MAD1L1: variants seen among roughly 807,000 people sequenced by gnomAD.
MAD1L1 encodes mitotic arrest deficient 1 like 1.
Under a neutral mutation model 96.9 loss-of-function variants are expected in MAD1L1, and 95 were observed. The ratio of observed to expected loss-of-function variants is 0.98; its 90% CI spans 0.83 to 1.16. The LOEUF is 1.16. Among genes scored for constraint, MAD1L1 ranks in the 50% most tolerant of loss-of-function variants. The pLI, the probability that MAD1L1 is intolerant of heterozygous loss-of-function variation, is 0.00. For synonymous variants in MAD1L1, 473 were observed against 396.6 expected, an observed-to-expected ratio of 1.19 and a Z score of -2.29; for missense variants, 1,007 against 954.4, an observed-to-expected ratio of 1.06 and a Z score of -0.73.
At chr7:1,978,713 C>T (rs938579694) in intron 15 of MAD1L1, among the ~76,000 whole-genome samples, 4 of 152,156 alleles carry the variant, frequency 2.6e-5, no homozygotes, top group Admixed American at 6.5e-5. Context: ...ACCACGTGCA[C>T]CTCACAGGCT....
intron 12 of MAD1L1, among the ~76,000 whole-genome samples, chr7:2,063,774 G>A (rs761730229): frequency 2.0e-4 from 30 of 152,222 alleles, no homozygotes; most frequent in Non-Finnish European, 3.5e-4. Context: ...CCAGGGTGCG[G>A]CCACCAGAAC....
chr7:1,990,025 G>C (rs931188206), intron 14 of MAD1L1, among the ~76,000 whole-genome samples: 1 of 152,238 alleles, frequency 6.6e-6, no homozygotes. Flanking sequence ...CTAATAACAA[G>C]AGGAGGAGCT....
At chr7:2,215,506 G>C (rs1038053571) in intron 9 of MAD1L1, among the ~76,000 whole-genome samples, 2 of 152,104 alleles carry the variant, frequency 1.3e-5, no homozygotes, top group Non-Finnish European at 1.5e-5. Flanking sequence ...GATTCCAGGG[G>C]ACAGTCCACT....
Position 1,856,518 on chromosome 7 carries a change from C to T in MAD1L1, c.1999-40290G>A, listed in dbSNP as rs182876500. On this transcript the variant is annotated intron_variant, in intron 18 of 18. Coordinates refer to ENST00000265854, the MANE Select transcript of MAD1L1 (RefSeq NM_001013836.2). The stretch of plus-strand genomic sequence containing the variant: ...CAGCTGTCGGCTAATCTGCTGGCTA[C>T]GAGCAGGTAATTTCTCATTGGGGCC... Among the ~76,000 whole-genome samples, 377 of 152,366 alleles carry T rather than the reference C, an allele frequency of 2.5e-3. 2 individuals are homozygous for T. Among genetic ancestry groups the T allele is most frequent in the African/African-American group, 8.2e-3 (343 of 41,588 alleles).
intron 12 of MAD1L1, among the ~76,000 whole-genome samples, chr7:2,066,462 C>T (rs1784879191): frequency 6.6e-6 from 1 of 152,244 alleles, no homozygotes; most frequent in Non-Finnish European, 1.5e-5. Context: ...GATAAACAAC[C>T]AGTCCATGCC....
At chr7:2,062,241 C>CA (rs1211341652) in intron 12 of MAD1L1, among the ~76,000 whole-genome samples, 7 of 96,986 alleles carry the variant, frequency 7.2e-5, no homozygotes, top group African/African-American at 2.9e-4. Context: ...GACTCCATTT[C>CA]AAAAAACAGC....
At chr7:1,873,057 C>T (rs371595268) in intron 18 of MAD1L1, among the ~76,000 whole-genome samples, 15 of 152,354 alleles carry the variant, frequency 9.8e-5, no homozygotes, top group African/African-American at 2.6e-4. Flanking sequence ...AATGACGCAA[C>T]GAGTCACACA....
intron 16 of MAD1L1, among the ~76,000 whole-genome samples, chr7:1,950,884 A>G (rs1458308369): frequency 1.3e-5 from 2 of 152,248 alleles, no homozygotes; most frequent in African/African-American, 2.4e-5. Flanking sequence ...CGCCTGCCCC[A>G]TCTGCAGACG....
At chr7:1,910,946 A>G (rs1787975775) in intron 17 of MAD1L1, among the ~76,000 whole-genome samples, 1 of 151,934 alleles carries the variant, frequency 6.6e-6, no homozygotes, top group African/African-American at 2.4e-5. Context: ...CTGACCCCCA[A>G]CCCTGCACCC....
At chr7:2,155,826 G>A (rs966945861) in intron 10 of MAD1L1, among the ~76,000 whole-genome samples, 4 of 152,144 alleles carry the variant, frequency 2.6e-5, no homozygotes, top group African/African-American at 4.8e-5. Context: ...ACGCAGAAGC[G>A]GCACTGACAG....
At chr7:2,067,355 G>A (rs1026213405) in intron 12 of MAD1L1, among the ~76,000 whole-genome samples, 2 of 152,218 alleles carry the variant, frequency 1.3e-5, no homozygotes, top group East Asian at 3.9e-4. Flanking sequence ...CAGAGAGAAT[G>A]AGGGACATCT....
chr7:2,209,358 C>G (rs565419260), intron 10 of MAD1L1, among the ~76,000 whole-genome samples: 1 of 152,316 alleles, frequency 6.6e-6, no homozygotes, highest in Non-Finnish European at 1.5e-5. Flanking sequence ...GACGTCAGCA[C>G]CCTGTCCTTA....
chr7:2,001,654 G>A (rs916424920), intron 14 of MAD1L1, among the ~76,000 whole-genome samples: 4 of 152,232 alleles, frequency 2.6e-5, no homozygotes, highest in South Asian at 4.1e-4. Flanking sequence ...CCCAAGCCCC[G>A]GCTGAGGCAC....
intron 15 of MAD1L1, among the ~76,000 whole-genome samples, chr7:1,978,641 C>T (rs986482896): frequency 6.6e-6 from 1 of 152,114 alleles, no homozygotes; most frequent in Non-Finnish European, 1.5e-5. Flanking sequence ...CAGCCCCCAA[C>T]CCCATCAACC....
At chr7:1,981,569 T>C (rs1780909429) in intron 14 of MAD1L1, among the ~76,000 whole-genome samples, 1 of 152,052 alleles carries the variant, frequency 6.6e-6, no homozygotes, top group South Asian at 2.1e-4. Context: ...AGAACCTTGT[T>C]CCCACCAGTC....
chr7:1,966,321 G>A (rs763433605), intron 15 of MAD1L1, among the ~76,000 whole-genome samples: 1 of 152,162 alleles, frequency 6.6e-6, no homozygotes, highest in African/African-American at 2.4e-5. Flanking sequence ...CTCGGCACAT[G>A]AAGAACCACA....
At chr7:1,918,639 C>A (rs1014957905) in intron 17 of MAD1L1, among the ~76,000 whole-genome samples, 5 of 152,234 alleles carry the variant, frequency 3.3e-5, no homozygotes, top group Non-Finnish European at 7.3e-5. Context: ...CTTTACAACT[C>A]TAATTACACA....
intron 3 of MAD1L1, 33 bp downstream of exon 3, chr7:2,229,951 G>C (rs1207290073): frequency 6.2e-7 from 1 of 1,608,930 alleles, no homozygotes; most frequent in East Asian, 2.2e-5. Flanking sequence ...GGTCTCCCCA[G>C]AGCAGACTCC....
intron 18 of MAD1L1, among the ~76,000 whole-genome samples, chr7:1,852,177 C>T (rs981566292): frequency 3.9e-5 from 6 of 152,212 alleles, no homozygotes; most frequent in African/African-American, 1.4e-4. Context: ...TGTGGGGACA[C>T]AGGTTGGGAT....
Sources: gnomAD v4.1 joint callset for allele counts (sites outside exome capture counted in the v4.1 genomes callset) on GRCh38, gnomAD v4.1.1 for gene constraint, MANE v1.5 for transcripts, NCBI Gene and HGNC (gene_info 2026-07-23, HGNC 2026-07-21) for gene names.